Variants in MRAP observed in about 807,000 individuals in gnomAD.
MRAP encodes melanocortin 2 receptor accessory protein, also known as melanocortin-2 receptor accessory protein.
MRAP carries 8 observed loss-of-function variants against 8.7 expected under a neutral mutation model. The ratio of observed to expected loss-of-function variants is 0.92; its 90% CI spans 0.54 to 1.66. The LOEUF (loss-of-function observed/expected upper bound fraction) is 1.66. MRAP is among the 40% of genes most tolerant of loss of function. The probability of loss-of-function intolerance (pLI) is 0.00; values close to 1 mark genes in which losing one functional copy is unlikely to be tolerated. For synonymous variants in MRAP, 95 were observed against 95.5 expected (o/e 1.00, Z 0.03); for missense variants, 237 against 217.1 (o/e 1.09, Z -0.58).
At chr21:32,299,846 G>C (rs1317530330) in intron 1 of MRAP, among the ~76,000 whole-genome samples, 2 of 152,166 alleles carry the variant, frequency 1.3e-5, no homozygotes, top group Admixed American at 1.3e-4. Flanking sequence ...AAACCAGCAT[G>C]ACTTCACTTC....
chr21:32,313,095 G>A (rs2032618687), downstream of MRAP: 1 of 152,234 alleles, frequency 6.6e-6, no homozygotes, highest in African/African-American at 2.4e-5. Flanking sequence ...CTGGAACTCG[G>A]CTTTGGAGCA....
At chr21:32,307,539 T>C (rs1193526976) in intron 2 of MRAP, among the ~76,000 whole-genome samples, 1 of 139,390 alleles carries the variant, frequency 7.2e-6, no homozygotes, top group Non-Finnish European at 1.5e-5. Flanking sequence ...ACTGTGCCAC[T>C]ACACTCCAGT....
chr21:32,312,174 G>A lies in MRAP; in HGVS notation c.*178G>A. 4 of 1,510,982 alleles carry A rather than the reference G, an allele frequency of 2.6e-6. No individual in the cohort carries two copies. The highest frequency in any genetic ancestry group is 1.3e-5 in the South Asian group (1 of 78,890). 93.6% of individuals were successfully genotyped at this position (1,510,982 alleles called of 1,614,324 possible). ...CAAAGATTGCAGTGGCCCCTCGAGT[G>A]CAGAGGTCATCCCAGGTGTTGCTGA... On this transcript the variant is annotated 3_prime_UTR_variant, in exon 3 of 3. Coordinates refer to ENST00000303645, the MANE Select transcript of MRAP (RefSeq NM_001379228.1).
chr21:32,314,414 A>T, downstream of MRAP: 1 of 726,548 alleles, frequency 1.4e-6, no homozygotes, highest in Non-Finnish European at 2.5e-6. Context: ...CGAACTCCTG[A>T]CCTCAGGTGA....
At chr21:32,306,586 C>T (rs1601104994) in intron 1 of MRAP, 54 bp from the exon 2 acceptor site, 7 of 1,471,822 alleles carry the variant, frequency 4.8e-6, no homozygotes, top group Middle Eastern at 1.7e-4. Flanking sequence ...TGCCCCTCAG[C>T]GTTGCTTTAT....
chr21:32,313,628 T>C (rs2032629357), downstream of MRAP: 1 of 152,144 alleles, frequency 6.6e-6, no homozygotes, highest in African/African-American at 2.4e-5. Context: ...CAGAAACAAT[T>C]CTAAAGAACA....
chr21:32,293,858 C>A (rs542903638), upstream of MRAP, among the ~76,000 whole-genome samples: 12 of 151,464 alleles, frequency 7.9e-5, no homozygotes, highest in East Asian at 2.1e-3. Flanking sequence ...GTCAAAGGGG[C>A]AACATTTTTT....
intron 2 of MRAP, 115 bp downstream of exon 2, chr21:32,306,854 G>C (rs1037891601): frequency 3.4e-6 from 3 of 882,000 alleles, no homozygotes; most frequent in Non-Finnish European, 3.7e-6. Flanking sequence ...TTCAGATTTG[G>C]GATTTAAAAA....
At chr21:32,295,226 G>A (rs1426605661), upstream of MRAP, among the ~76,000 whole-genome samples, 1 of 152,136 alleles carries the variant, frequency 6.6e-6, no homozygotes, top group Non-Finnish European at 1.5e-5. Context: ...GAGCAGGAAC[G>A]AAAGGAAGTA....
downstream of MRAP, chr21:32,313,065 T>G (rs1344287062): frequency 2.6e-5 from 4 of 152,186 alleles, no homozygotes; most frequent in Non-Finnish European, 5.9e-5. Flanking sequence ...GTGCTGAAAA[T>G]GTGTCCTCAC....
intron 2 of MRAP, among the ~76,000 whole-genome samples, chr21:32,309,699 T>C (rs1315977279): frequency 6.7e-6 from 1 of 149,778 alleles, no homozygotes; most frequent in African/African-American, 2.5e-5. Context: ...TCCTAGCACT[T>C]TGAGAGGCCG....
chr21:32,311,781 G>C lies in MRAP; in HGVS notation c.304G>C (p.Ala102Pro). 1 of 1,614,068 alleles carries C rather than the reference G, an allele frequency of 6.2e-7. No homozygotes were observed. The highest frequency in any genetic ancestry group is 8.5e-7 in the Non-Finnish European group (1 of 1,180,026). Reference sequence around the variant, plus strand: ...CCTGCCGTGCCACAGGGAACCCCTGGCAACCTCACAGGCTCAGGCGAGCTC... The same window carrying C: ...CCTGCCGTGCCACAGGGAACCCCTGCCAACCTCACAGGCTCAGGCGAGCTC... ...KCLPCHREPL[A>P]TSQAQASSVE... Residue 102 changes from alanine to proline, a missense_variant, in exon 3 of 3, where the codon GCA becomes CCA. By Grantham distance (27) the Ala-to-Pro change is conservative. Transcript: ENST00000303645.
chr21:32,312,181 T>A lies in MRAP; in HGVS notation c.*185T>A. 1.3e-6 allele frequency: 2 copies of A among 1,504,042 alleles called. No homozygotes were observed. Among genetic ancestry groups the A allele is most frequent in the Non-Finnish European group, 1.8e-6 (2 of 1,129,924 alleles). The allele number at this position is 1,504,042 out of a possible 1,614,324, so 93.2% of individuals were successfully genotyped here. A position where few individuals can be genotyped will look rare whatever the true frequency, so the allele number is the denominator to read the frequency against. ...TGCAGTGGCCCCTCGAGTGCAGAGGTCATCCCAGGTGTTGCTGAGTTTATT... is the reference window on the plus strand; with the variant it reads ...TGCAGTGGCCCCTCGAGTGCAGAGGACATCCCAGGTGTTGCTGAGTTTATT... On this transcript the variant is annotated 3_prime_UTR_variant, in exon 3 of 3. Coordinates refer to ENST00000303645, the MANE Select transcript of MRAP (RefSeq NM_001379228.1).
At chr21:32,295,225 C>T (rs934350523), upstream of MRAP, among the ~76,000 whole-genome samples, 4 of 152,130 alleles carry the variant, frequency 2.6e-5, no homozygotes, top group East Asian at 5.8e-4. Flanking sequence ...AGAGCAGGAA[C>T]GAAAGGAAGT....
upstream of MRAP, among the ~76,000 whole-genome samples, chr21:32,294,832 A>G (rs79808883): frequency 0.017 from 2,546 of 152,212 alleles, 79 homozygotes; most frequent in African/African-American, 0.058. Flanking sequence ...ATAAGCTGGT[A>G]TCTCTCTCCA....
At chr21:32,311,594 G>T in intron 2 of MRAP, 90 bp from the exon 3 acceptor site, 1 of 1,534,548 alleles carries the variant, frequency 6.5e-7, no homozygotes. Context: ...CCGGGCAGAT[G>T]GCAGGTGTGG....
In MRAP at chr21:32,311,719, G is replaced by T. The variant is rs1270689130; in HGVS notation, c.242G>T (p.Ser81Ile). The change falls in exon 3 of 3, where the codon AGT (serine) becomes ATT (isoleucine). Residue 81 changes from serine to isoleucine, a missense_variant. Coordinates refer to ENST00000303645, the MANE Select transcript of MRAP (RefSeq NM_001379228.1). ...AAGCACCACCAAACATGCCCCTGGA[G>T]TCACGGCCTCAACCTCCACCTCTGC... is the stretch of plus-strand genomic sequence containing the variant. ...SPKHHQTCPW[S>I]HGLNLHLCIQ... 9 of 1,613,938 alleles carry T rather than the reference G, an allele frequency of 5.6e-6. No individual in the cohort carries two copies. In the African/African-American group the frequency reaches 1.1e-4, roughly 19 times the overall value.
chr21:32,297,610 G>A (rs978844150), upstream of MRAP, among the ~76,000 whole-genome samples: 7 of 152,248 alleles, frequency 4.6e-5, no homozygotes, highest in South Asian at 8.3e-4. Flanking sequence ...TTTGACCTGA[G>A]TTCTGTGTGT....
intron 1 of MRAP, among the ~76,000 whole-genome samples, chr21:32,304,195 C>A (rs2032349422): frequency 6.6e-6 from 1 of 152,196 alleles, no homozygotes; most frequent in Middle Eastern, 3.2e-3. Flanking sequence ...CTTCCAATCC[C>A]ATTTTCTGAC....
Sources: gnomAD v4.1 joint callset for allele counts (sites outside exome capture counted in the v4.1 genomes callset) on GRCh38, gnomAD v4.1.1 for gene constraint, MANE v1.5 for transcripts, NCBI Gene and HGNC (gene_info 2026-07-23, HGNC 2026-07-21) for gene names.